MDGA2: variants seen among roughly 807,000 people sequenced by gnomAD.
MDGA2 encodes the protein MAM domain containing glycosylphosphatidylinositol anchor 2, also known as MAM domain-containing glycosylphosphatidylinositol anchor protein 2.
Under a neutral mutation model 117.8 loss-of-function variants are expected in MDGA2, and 40 were observed. The ratio of observed to expected loss-of-function variants is 0.34; its 90% CI spans 0.26 to 0.44. The LOEUF (loss-of-function observed/expected upper bound fraction) is 0.44. Ranked by LOEUF, MDGA2 falls within the 20% of genes least tolerant of loss-of-function variation. MDGA2 has a pLI of 1.00. For missense variants in MDGA2, 1,123 were observed against 1,250.6 expected, an observed-to-expected ratio of 0.90 and a Z score of 1.54; for synonymous variants, 452 against 439.0, an observed-to-expected ratio of 1.03 and a Z score of -0.37.
chr14:47,539,398 A>G (rs1004922476), intron 1 of MDGA2, among the ~76,000 whole-genome samples: 1 of 152,186 alleles, frequency 6.6e-6, no homozygotes, highest in African/African-American at 2.4e-5. Flanking sequence ...CTTAATTTTA[A>G]GATGTACAAA....
At chr14:47,311,919 T>G (rs2139844407) in intron 1 of MDGA2, among the ~76,000 whole-genome samples, 1 of 152,192 alleles carries the variant, frequency 6.6e-6, no homozygotes, top group African/African-American at 2.4e-5. Flanking sequence ...CCTTTGTGTC[T>G]TTGGGGATTT....
intron 1 of MDGA2, among the ~76,000 whole-genome samples, chr14:47,655,912 T>C (rs1233577534): frequency 2.0e-5 from 3 of 152,138 alleles, no homozygotes; most frequent in Admixed American, 6.6e-5. Context: ...CCCATGATAT[T>C]AGAAGTATCT....
At chr14:46,896,942 G>A (rs1168390489) in intron 10 of MDGA2, among the ~76,000 whole-genome samples, 3 of 152,136 alleles carry the variant, frequency 2.0e-5, no homozygotes, top group African/African-American at 7.2e-5. Context: ...TGTAGGTGCT[G>A]TGTGAGGCCT....
chr14:47,243,123 C>A (rs1264774696), intron 2 of MDGA2, among the ~76,000 whole-genome samples: 1 of 151,654 alleles, frequency 6.6e-6, no homozygotes, highest in African/African-American at 2.4e-5. Context: ...TGTAAACACA[C>A]CAATCAGCAC....
intron 7 of MDGA2, among the ~76,000 whole-genome samples, chr14:47,048,615 G>A (rs1347609788): frequency 6.6e-6 from 1 of 151,936 alleles, no homozygotes; most frequent in African/African-American, 2.4e-5. Context: ...TGTAGAAATA[G>A]ACACTACTGC....
chr14:47,327,207 T>C (rs1044588412), intron 1 of MDGA2, among the ~76,000 whole-genome samples: 3 of 152,148 alleles, frequency 2.0e-5, no homozygotes, highest in Non-Finnish European at 4.4e-5. Flanking sequence ...CCTCTTCTCT[T>C]CCTAGAAATC....
chr14:47,513,482 T>C (rs1275624704), intron 1 of MDGA2, among the ~76,000 whole-genome samples: 1 of 152,096 alleles, frequency 6.6e-6, no homozygotes, highest in African/African-American at 2.4e-5. Context: ...CACTCATTCA[T>C]CTGGAAGAAT....
intron 1 of MDGA2, among the ~76,000 whole-genome samples, chr14:47,582,728 C>A (rs956676795): frequency 6.6e-6 from 1 of 151,848 alleles, no homozygotes; most frequent in African/African-American, 2.4e-5. Context: ...CATTATTCTA[C>A]CCAGATAAAT....
Position 47,172,516 on chromosome 14 carries a change from G to A in MDGA2, c.596-28242C>T, listed in dbSNP as rs540916756. Among the ~76,000 whole-genome samples the A allele has an allele frequency of 7.2e-5, 11 of 152,256 alleles. No homozygotes were observed. The East Asian group carries it at 1.4e-3, about 19-fold the overall frequency. ...GAAAATCTGCTGTTCTGCAGCCACCGCTGCTGATACCCAAGCAAACAGGGT... is the reference window on the plus strand; with the variant it reads ...GAAAATCTGCTGTTCTGCAGCCACCACTGCTGATACCCAAGCAAACAGGGT... On this transcript the variant is annotated intron_variant, in intron 3 of 16. Transcript: ENST00000399232.
intron 1 of MDGA2, among the ~76,000 whole-genome samples, chr14:47,591,059 T>G (rs1302359352): frequency 6.6e-6 from 1 of 152,052 alleles, no homozygotes; most frequent in Non-Finnish European, 1.5e-5. Flanking sequence ...ACCTTTAAAC[T>G]GGCAATGAAT....
chr14:47,418,142 T>C (rs1259312174), intron 1 of MDGA2, among the ~76,000 whole-genome samples: 3 of 152,132 alleles, frequency 2.0e-5, no homozygotes, highest in Admixed American at 2.0e-4. Context: ...AGTGGCATGA[T>C]CTCGGCTCTC....
At chr14:46,986,422 C>A (rs1385399473) in intron 8 of MDGA2, among the ~76,000 whole-genome samples, 1 of 151,958 alleles carries the variant, frequency 6.6e-6, no homozygotes, top group Admixed American at 6.6e-5. Flanking sequence ...CACTAAAGAC[C>A]ACATGAAATG....
chr14:46,844,167 G>GA, intron 16 of MDGA2, among the ~76,000 whole-genome samples: 1 of 152,232 alleles, frequency 6.6e-6, no homozygotes, highest in African/African-American at 2.4e-5. Context: ...GGTATAAAGT[G>GA]AAAATCAAAT....
intron 8 of MDGA2, among the ~76,000 whole-genome samples, chr14:47,021,683 T>C (rs963609907): frequency 6.6e-6 from 1 of 152,192 alleles, no homozygotes; most frequent in African/African-American, 2.4e-5. Context: ...CTGTTACATA[T>C]GCATTATTAT....
At chr14:47,146,136 GCCAA>G (rs139419731) in intron 3 of MDGA2, among the ~76,000 whole-genome samples, 1 of 152,242 alleles carries the variant, frequency 6.6e-6, no homozygotes, top group African/African-American at 2.4e-5. Context: ...ATAATAAAAT[GCCAA>G]CCAAAGTAGT....
intron 2 of MDGA2, among the ~76,000 whole-genome samples, chr14:47,282,979 A>C (rs1227428547): frequency 2.0e-5 from 3 of 152,172 alleles, no homozygotes; most frequent in Non-Finnish European, 4.4e-5. Context: ...TACATTTTTT[A>C]AATGGAAAGG....
intron 1 of MDGA2, among the ~76,000 whole-genome samples, chr14:47,552,903 C>T (rs1895611656): frequency 6.6e-6 from 1 of 152,192 alleles, no homozygotes; most frequent in African/African-American, 2.4e-5. Context: ...CGTTCCTTCC[C>T]CATGGATTGC....
chr14:47,462,802 C>CA (rs1327391043), intron 1 of MDGA2, among the ~76,000 whole-genome samples: 1 of 152,068 alleles, frequency 6.6e-6, no homozygotes, highest in Non-Finnish European at 1.5e-5. Flanking sequence ...TAGAATGTTT[C>CA]AAAACTAAAT....
intron 8 of MDGA2, among the ~76,000 whole-genome samples, chr14:47,027,749 T>A (rs1888527582): frequency 6.6e-6 from 1 of 151,816 alleles, no homozygotes; most frequent in African/African-American, 2.4e-5. Flanking sequence ...CTGTGTTCTC[T>A]GGAAGAATGA....
Sources: allele counts gnomAD v4.1 joint callset (sites outside exome capture counted in the v4.1 genomes callset), GRCh38; gene constraint gnomAD v4.1.1; transcripts MANE v1.5; gene names NCBI Gene and HGNC (gene_info 2026-07-23, HGNC 2026-07-21).